Variants in ZNF287 observed in about 807,000 individuals in gnomAD.
The protein encoded by ZNF287 is zinc finger protein 287.
In ZNF287, 31 loss-of-function variants were observed where a neutral mutation model predicts 73.7. That is an observed-to-expected ratio of 0.42 (90% CI 0.32 to 0.57). ZNF287 has a LOEUF of 0.57. Ranked by LOEUF, ZNF287 falls within the 20% of genes least tolerant of loss-of-function variation. The pLI is 0.13. For missense variants in ZNF287, 641 were observed against 909.3 expected (o/e 0.70, Z 3.79); for synonymous variants, 301 against 307.2 (o/e 0.98, Z 0.21).
chr17:16,559,707 A>G lies in ZNF287; in HGVS notation c.715+3439T>C, dbSNP rs530116325. Reference sequence around the variant, plus strand: ...TAAGTACCATTCCCTACTAAAATGAATCAGGGTTCCTTAGAGAAATCCCAA... The same window carrying G: ...TAAGTACCATTCCCTACTAAAATGAGTCAGGGTTCCTTAGAGAAATCCCAA... On this transcript the variant is annotated intron_variant, in intron 5 of 5. Transcript: ENST00000395825. Among the ~76,000 whole-genome samples, 7 of 152,308 alleles carry G rather than the reference A, an allele frequency of 4.6e-5. No individual in the cohort carries two copies. In the East Asian group the frequency reaches 7.7e-4, roughly 17 times the overall value.
intron 5 of ZNF287, among the ~76,000 whole-genome samples, chr17:16,553,635 A>T (rs1363851372): frequency 1.3e-5 from 2 of 152,192 alleles, no homozygotes; most frequent in Admixed American, 1.3e-4. Flanking sequence ...CTTCATATTC[A>T]ACATGGACAC....
At chr17:16,566,743 C>T in intron 2 of ZNF287, 121 bp from the exon 3 acceptor site, 1 of 608,730 alleles carries the variant, frequency 1.6e-6, no homozygotes, top group Admixed American at 3.6e-5. Context: ...TCAAAAACAG[C>T]ACTCCTACTT....
Position 16,566,606 on chromosome 17 carries a change from G to C in ZNF287, c.420C>G (p.Thr140=), listed in dbSNP as rs1405675687. 1 of 1,612,468 alleles carries C rather than the reference G, an allele frequency of 6.2e-7. No homozygotes were observed. The highest frequency in any genetic ancestry group is 8.5e-7 in the Non-Finnish European group (1 of 1,179,354). ...CTTCCTCTGGGGTATCTTGGGAAAG[G>C]GTAGAGTTTTGAGGAGCTAGAGAAG... The part of the protein sequence containing the change: ...ILEEEAPQNS[T]LSQDTPEEDP... The change falls in exon 3 of 6, where the codon ACC becomes ACG. Residue 140 remains threonine (T), a synonymous_variant. Transcript: ENST00000395825.
Position 16,552,459 on chromosome 17 carries a change from C to T in ZNF287, c.1683G>A (p.Glu561=). 2.5e-6 allele frequency: 4 copies of T among 1,614,116 alleles called. No homozygotes were observed. In the South Asian group the frequency reaches 3.3e-5, roughly 13 times the overall value. ...LIRHQRIHSG[E]KCYKCNECGK... is the part of the protein sequence containing the mutation. ...CACATTCATTACATTTATAACACTT[C>T]TCTCCAGAATGAATTCTCTGATGTC... The change falls in exon 6 of 6, where the codon GAG becomes GAA. Residue 561 remains glutamate (E), a synonymous_variant. Transcript: ENST00000395825. This position sits in a 1 kb window ranked among gnomAD's most constrained non-coding sequence, Gnocchi z 6.5.
In ZNF287 at chr17:16,553,423, C is replaced by A; in HGVS notation, c.719G>T (p.Trp240Leu). The change falls in exon 6 of 6, where the codon TGG becomes TTG. Residue 240 changes from tryptophan to leucine, a missense_variant. Physicochemically the swap from Trp to Leu is moderately conservative, Grantham distance 61. This residue lies in a region of ZNF287 where 357 missense variants were observed against 442.4 expected (regional missense o/e 0.81). Transcript: ENST00000395825. ...AGTACATGCTTGGGCTTTAGTTTCC[C>A]ATTCTGAAATAAAAAATATATTAAA... Reference protein sequence around the residue: ...KEILEGPSPEWETKAQACTPV... With the variant: ...KEILEGPSPELETKAQACTPV... The A allele has an allele frequency of 6.8e-7, 1 of 1,477,018 alleles. No individual in the cohort carries two copies. The highest frequency in any genetic ancestry group is 1.4e-5 in the African/African-American group (1 of 69,426). 91.5% of individuals were successfully genotyped at this position (1,477,018 alleles called of 1,614,324 possible).
chr17:16,550,566 T>G lies in ZNF287; in HGVS notation c.*1290A>C, dbSNP rs1391063868. Reference sequence around the variant, plus strand: ...CTTCTCTTGGGATATAGGTAGCATTTGGCAACCCATTTTAGCAGGTTGCTT... The same window carrying G: ...CTTCTCTTGGGATATAGGTAGCATTGGGCAACCCATTTTAGCAGGTTGCTT... On this transcript the variant is annotated 3_prime_UTR_variant, in exon 6 of 6. Coordinates refer to ENST00000395825, the MANE Select transcript of ZNF287 (RefSeq NM_020653.4). Among the ~76,000 whole-genome samples, 1 of 152,188 alleles carries G rather than the reference T, an allele frequency of 6.6e-6. No individual in the cohort carries two copies. Among genetic ancestry groups the G allele is most frequent in the Non-Finnish European group, 1.5e-5 (1 of 68,024 alleles).
At chr17:16,555,933 T>C (rs1392221247) in intron 5 of ZNF287, among the ~76,000 whole-genome samples, 2 of 152,120 alleles carry the variant, frequency 1.3e-5, no homozygotes, top group African/African-American at 2.4e-5. Context: ...TTTACAAATA[T>C]ATCCATTCAA....
Position 16,552,377 on chromosome 17 carries a change from C to T in ZNF287, c.1765G>A (p.Glu589Lys). ...LIQHQTTHTG[E>K]KSYICNICGK... ...CATATATTACATATATAGGATTTCTCTCCAGTGTGAGTGGTTTGATGTTGA... is the reference window on the plus strand; with the variant it reads ...CATATATTACATATATAGGATTTCTTTCCAGTGTGAGTGGTTTGATGTTGA... Residue 589 changes from glutamate to lysine, a missense_variant, in exon 6 of 6, where the codon GAG (glutamate) becomes AAG (lysine). Physicochemically the swap from Glu to Lys is moderately conservative, Grantham distance 56. This residue lies in a region of ZNF287 where 284 missense variants were observed against 466.8 expected (regional missense o/e 0.61). Coordinates refer to ENST00000395825, the MANE Select transcript of ZNF287 (RefSeq NM_020653.4). This position sits in a 1 kb window ranked among gnomAD's most constrained non-coding sequence, Gnocchi z 6.5. 6.2e-7 allele frequency: 1 copy of T among 1,613,964 alleles called. No homozygotes were observed. The highest frequency in any genetic ancestry group is 8.5e-7 in the Non-Finnish European group (1 of 1,179,982).
rs553665 is a variant in ZNF287 at position 16,550,437 on chromosome 17, C to T, written c.*1419G>A. ...ATCTATGTATGTTTTCCTCACTCCACTAAAATTTCACCTTTTCCCCGACCC... is the reference window on the plus strand; with the variant it reads ...ATCTATGTATGTTTTCCTCACTCCATTAAAATTTCACCTTTTCCCCGACCC... On this transcript the variant is annotated 3_prime_UTR_variant, in exon 6 of 6. Transcript: ENST00000395825. Among the ~76,000 whole-genome samples the T allele has an allele frequency of 0.88, 134,279 of 152,246 alleles. 59,606 individuals carry two copies. The highest frequency in any genetic ancestry group is 1 in the East Asian group (5,189 of 5,190).
chr17:16,564,133 G>A (rs866831721), intron 3 of ZNF287, among the ~76,000 whole-genome samples: 13 of 152,160 alleles, frequency 8.5e-5, no homozygotes, highest in African/African-American at 1.2e-4. Context: ...ACAGAGTCTC[G>A]CTCTGTTGCC....
rs1597476057 is a variant in ZNF287 at position 16,567,852 on chromosome 17, C to A, written c.-121G>T. Reference sequence around the variant, plus strand: ...TATCAAAGGCTGCTGCAGCCGAGGGCAGAACAGAATCAAGGTAGAGTTAGC... The same window carrying A: ...TATCAAAGGCTGCTGCAGCCGAGGGAAGAACAGAATCAAGGTAGAGTTAGC... On this transcript the variant is annotated 5_prime_UTR_variant, in exon 2 of 6. Coordinates refer to ENST00000395825, the MANE Select transcript of ZNF287 (RefSeq NM_020653.4). The A allele has an allele frequency of 6.8e-7, 1 of 1,471,300 alleles. No homozygotes were observed. Among genetic ancestry groups the A allele is most frequent in the Non-Finnish European group, 8.9e-7 (1 of 1,118,282 alleles). 91.1% of individuals were successfully genotyped at this position (1,471,300 alleles called of 1,614,324 possible).
At chr17:16,564,546 G>A (rs1907635935) in intron 3 of ZNF287, among the ~76,000 whole-genome samples, 2 of 152,112 alleles carry the variant, frequency 1.3e-5, no homozygotes, top group African/African-American at 2.4e-5. Context: ...GAATGGTTTT[G>A]CTTTTCAAGC....
rs1160905984 is a variant in ZNF287 at position 16,550,278 on chromosome 17, G to C, written c.*1578C>G. 6.6e-6 allele frequency among the ~76,000 whole-genome samples: 1 copy of C among 152,038 alleles called. No individual in the cohort carries two copies. Among genetic ancestry groups the C allele is most frequent in the Non-Finnish European group, 1.5e-5 (1 of 67,984 alleles). On this transcript the variant is annotated 3_prime_UTR_variant, in exon 6 of 6. Transcript: ENST00000395825. ...ACTTGTATGTATGAAGGAGTGTCAG[G>C]CTTCCAATTATTCTTTAAAAATCGG...
Position 16,566,609 on chromosome 17 carries a change from A to T in ZNF287, c.417T>A (p.Ser139=). The T allele has an allele frequency of 6.2e-7, 1 of 1,612,476 alleles. No individual in the cohort carries two copies. Residue 139 remains serine, a synonymous_variant, in exon 3 of 6, where the codon TCT becomes TCA. Coordinates refer to ENST00000395825, the MANE Select transcript of ZNF287 (RefSeq NM_020653.4). ...CCTCTGGGGTATCTTGGGAAAGGGT[A>T]GAGTTTTGAGGAGCTAGAGAAGAGA... is the stretch of plus-strand genomic sequence containing the variant. The part of the protein sequence containing the change: ...QILEEEAPQN[S]TLSQDTPEED...
At position 16,567,590 on chromosome 17, in the gene ZNF287, A is replaced by G. The variant is rs141728562; in HGVS notation, c.142T>C (p.Cys48Arg). Residue 48 changes from cysteine (C) to arginine (R), a missense_variant, in exon 2 of 6, where the codon TGT (cysteine) becomes CGT (arginine). Coordinates refer to ENST00000395825, the MANE Select transcript of ZNF287 (RefSeq NM_020653.4). ...TSRFLRDTETCRQNFRNFPYP... is the reference protein window; with the variant it reads ...TSRFLRDTETRRQNFRNFPYP... ...GGAAAATTCCTAAAATTCTGTCGAC[A>G]GGTCTCAGTGTCACGCAAGAATCTT... 640 of 1,614,072 alleles carry G rather than the reference A, an allele frequency of 4.0e-4. No individual in the cohort carries two copies. The highest frequency in any genetic ancestry group is 5.1e-4 in the Non-Finnish European group (600 of 1,180,038).
rs575072472 is a variant in ZNF287 at position 16,561,087 on chromosome 17, G to A, written c.715+2059C>T. Among the ~76,000 whole-genome samples the A allele has an allele frequency of 1.3e-4, 20 of 152,162 alleles. No individual in the cohort carries two copies. The South Asian group carries it at 1.9e-3, about 14-fold the overall frequency. On this transcript the variant is annotated intron_variant, in intron 5 of 5. Transcript: ENST00000395825. The stretch of plus-strand genomic sequence containing the variant: ...TCTCAGCACTTTGGGAGGCCAAGGC[G>A]GGTGGATCACCTGAGGTCAGGAGTT...
intron 5 of ZNF287, among the ~76,000 whole-genome samples, chr17:16,556,611 C>T (rs564033754): frequency 6.6e-6 from 1 of 151,992 alleles, no homozygotes; most frequent in African/African-American, 2.4e-5. Flanking sequence ...CTTTCTCAAG[C>T]TAGGATTTGT....
rs746944826 is a variant in ZNF287 at position 16,551,833 on chromosome 17, C to G, written c.*23G>C. 7 of 1,542,728 alleles carry G rather than the reference C, an allele frequency of 4.5e-6. No homozygotes were observed. The South Asian group carries it at 8.9e-5, about 20-fold the overall frequency. ...CAAAATTGAAACAAAGTTGTAAAACCGAATTGAAGTTTCCCTTATCCATTA... is the reference window on the plus strand; with the variant it reads ...CAAAATTGAAACAAAGTTGTAAAACGGAATTGAAGTTTCCCTTATCCATTA... On this transcript the variant is annotated 3_prime_UTR_variant, in exon 6 of 6. Transcript: ENST00000395825.
Position 16,563,127 on chromosome 17 carries a change from T to G in ZNF287, c.715+19A>C. 6.4e-7 allele frequency: 1 copy of G among 1,558,994 alleles called. No individual in the cohort carries two copies. The highest frequency in any genetic ancestry group is 8.8e-7 in the Non-Finnish European group (1 of 1,136,640). On this transcript the variant is annotated intron_variant, in intron 5 of 5. Coordinates refer to ENST00000395825, the MANE Select transcript of ZNF287 (RefSeq NM_020653.4). ...AGATTCTTAAATACAAAGAAGCTCA[T>G]GCGCTTTTTGTTTCTCACCTGGACT...
Sources: allele counts gnomAD v4.1 joint callset (sites outside exome capture counted in the v4.1 genomes callset), GRCh38; gene constraint gnomAD v4.1.1; regional missense constraint gnomAD v4.1.1; non-coding constraint Gnocchi (gnomAD v3.1); transcripts MANE v1.5; gene names NCBI Gene and HGNC (gene_info 2026-07-23, HGNC 2026-07-21).